FHOD3: variants seen among roughly 807,000 people sequenced by gnomAD.
The protein encoded by FHOD3 is FH1/FH2 domain-containing protein 3.
A neutral mutation model predicts 173.0 loss-of-function variants in FHOD3; 90 were observed. The ratio of observed to expected loss-of-function variants is 0.52; its 90% CI spans 0.44 to 0.62. The LOEUF is 0.62. FHOD3 is among the 20% of genes least tolerant of loss of function. The probability of loss-of-function intolerance (pLI) is 0.00; values close to 1 mark genes in which losing one functional copy is unlikely to be tolerated. For synonymous variants in FHOD3, 828 were observed against 823.0 expected (o/e 1.01, Z -0.10); for missense variants, 1,945 against 2,034.7 (o/e 0.96, Z 0.85).
At chr18:36,403,755 G>A (rs1004191876) in intron 3 of FHOD3, among the ~76,000 whole-genome samples, 19 of 152,252 alleles carry the variant, frequency 1.2e-4, no homozygotes, top group African/African-American at 4.6e-4. Context: ...ATTCGTAACT[G>A]TATTGGGATA....
intron 3 of FHOD3, among the ~76,000 whole-genome samples, chr18:36,417,828 C>T (rs900979011): frequency 2.0e-4 from 31 of 152,164 alleles, no homozygotes; most frequent in Non-Finnish European, 8.8e-5. Context: ...AATGAACTGC[C>T]TTAGAGAAGA....
rs2091949009 is a variant in FHOD3, at chr18:36,301,139, G to A, written c.165+3139G>A. Among the ~76,000 whole-genome samples, 4 of 152,196 alleles carry A rather than the reference G, an allele frequency of 2.6e-5. No individual in the cohort carries two copies. In the South Asian group the frequency reaches 8.3e-4, roughly 32 times the overall value. On this transcript the variant is annotated intron_variant, in intron 1 of 28. Transcript: ENST00000590592. ...ATCTTCTTAAAGTAAATGTACCTGT[G>A]TAGGCAGCGCTGAGAAGGCCCCCTC...
intron 3 of FHOD3, among the ~76,000 whole-genome samples, chr18:36,419,235 A>G (rs545485204): frequency 1.3e-5 from 2 of 151,910 alleles, no homozygotes; most frequent in East Asian, 3.9e-4. Flanking sequence ...GTACTTTGGA[A>G]TCTTACTTTG....
chr18:36,337,953 A>C (rs2045410241), intron 1 of FHOD3, among the ~76,000 whole-genome samples: 1 of 152,180 alleles, frequency 6.6e-6, no homozygotes, highest in South Asian at 2.1e-4. Context: ...AGGATCTTAA[A>C]GGCAGCACAG....
intron 3 of FHOD3, among the ~76,000 whole-genome samples, chr18:36,399,728 G>T (rs149800488): frequency 6.6e-6 from 1 of 152,290 alleles, no homozygotes; most frequent in East Asian, 1.9e-4. Context: ...GCTGCAGAAG[G>T]CTCATTTGGT....
chr18:36,489,834 G>A (rs1236602514), intron 3 of FHOD3, among the ~76,000 whole-genome samples: 2 of 152,162 alleles, frequency 1.3e-5, no homozygotes, highest in African/African-American at 4.8e-5. Context: ...CCCTAATTAT[G>A]GGAAAAGAGA....
At chr18:36,659,868 A>G (rs972325531) in intron 14 of FHOD3, among the ~76,000 whole-genome samples, 1 of 152,170 alleles carries the variant, frequency 6.6e-6, no homozygotes, top group Non-Finnish European at 1.5e-5. Context: ...TTTGGGCTAG[A>G]AGATCCAGGA....
At chr18:36,591,030 A>C (rs1330651637) in intron 6 of FHOD3, among the ~76,000 whole-genome samples, 2 of 152,188 alleles carry the variant, frequency 1.3e-5, no homozygotes, top group African/African-American at 4.8e-5. Context: ...ACCACATAAT[A>C]ATAGTCCACC....
intron 9 of FHOD3, among the ~76,000 whole-genome samples, chr18:36,613,938 G>T (rs1225488704): frequency 1.3e-5 from 2 of 152,128 alleles, no homozygotes; most frequent in Admixed American, 6.5e-5. Flanking sequence ...CTCCCAAAGT[G>T]CTGGGATTAC....
intron 3 of FHOD3, among the ~76,000 whole-genome samples, chr18:36,386,700 G>C (rs2048049014): frequency 6.6e-6 from 1 of 152,190 alleles, no homozygotes; most frequent in African/African-American, 2.4e-5. Flanking sequence ...ATACTCAGAG[G>C]GCAGCTGGGC....
intron 3 of FHOD3, among the ~76,000 whole-genome samples, chr18:36,401,962 G>A (rs1455961525): frequency 2.0e-5 from 3 of 152,152 alleles, no homozygotes; most frequent in Non-Finnish European, 4.4e-5. Flanking sequence ...ATGAACCCTT[G>A]TATACAAGCA....
intron 24 of FHOD3, 34 bp downstream of exon 24, chr18:36,747,169 T>C: frequency 1.4e-6 from 2 of 1,480,168 alleles, no homozygotes; most frequent in Non-Finnish European, 1.8e-6. Context: ...GAAATATCAG[T>C]ACAATGGCAT....
At chr18:36,646,666 T>G (rs1023102657) in intron 10 of FHOD3, among the ~76,000 whole-genome samples, 1 of 152,200 alleles carries the variant, frequency 6.6e-6, no homozygotes, top group African/African-American at 2.4e-5. Context: ...GACCCCTATC[T>G]TACATGATAA....
At chr18:36,686,839 C>T (rs2038652794) in intron 15 of FHOD3, among the ~76,000 whole-genome samples, 1 of 152,164 alleles carries the variant, frequency 6.6e-6, no homozygotes, top group African/African-American at 2.4e-5. Flanking sequence ...AAAAACTTCT[C>T]TTTCCTCAGA....
intron 3 of FHOD3, among the ~76,000 whole-genome samples, chr18:36,475,011 ACACACACACACACACACACACACT>A (rs1336224336): frequency 2.3e-4 from 30 of 133,042 alleles, no homozygotes; most frequent in Middle Eastern, 3.6e-3. Context: ...ACACACACAC[ACACACACACACACACACACACACT>A]CTGCAAAATT....
At chr18:36,587,467 C>G (rs574450991) in intron 6 of FHOD3, among the ~76,000 whole-genome samples, 4 of 152,148 alleles carry the variant, frequency 2.6e-5, no homozygotes, top group Non-Finnish European at 4.4e-5. Flanking sequence ...GTAACACAAC[C>G]TTCATCTAAG....
intron 3 of FHOD3, among the ~76,000 whole-genome samples, chr18:36,432,239 A>G (rs1470858142): frequency 6.6e-6 from 1 of 152,182 alleles, no homozygotes; most frequent in Non-Finnish European, 1.5e-5. Context: ...TTTAAAATCT[A>G]CTATACAAAG....
At chr18:36,587,912 C>A (rs1029222215) in intron 6 of FHOD3, among the ~76,000 whole-genome samples, 1 of 152,212 alleles carries the variant, frequency 6.6e-6, no homozygotes, top group African/African-American at 2.4e-5. Flanking sequence ...CCCAGCCTTA[C>A]ACTTGGTTAC....
chr18:36,764,131 A>G (rs1413147427), intron 27 of FHOD3, among the ~76,000 whole-genome samples: 1 of 152,178 alleles, frequency 6.6e-6, no homozygotes, highest in Non-Finnish European at 1.5e-5. Flanking sequence ...CCTCTTCTTG[A>G]CCAGTGCTGT....
Sources: allele counts gnomAD v4.1 joint callset (sites outside exome capture counted in the v4.1 genomes callset), GRCh38; gene constraint gnomAD v4.1.1; transcripts MANE v1.5; gene names NCBI Gene and HGNC (gene_info 2026-07-23, HGNC 2026-07-21).